PALD1: variants seen among roughly 807,000 people sequenced by gnomAD.
PALD1 encodes phosphatase domain containing paladin 1, also known as paladin.
Under a neutral mutation model 96.0 loss-of-function variants are expected in PALD1, and 57 were observed. The ratio of observed to expected loss-of-function variants is 0.59; its 90% CI spans 0.48 to 0.74. PALD1 has a LOEUF of 0.74. PALD1 is among the 30% of genes least tolerant of loss of function. PALD1 has a pLI of 0.00. For missense variants in PALD1, 1,063 were observed against 1,143.7 expected (o/e 0.93, Z 1.02); for synonymous variants, 464 against 473.6 (o/e 0.98, Z 0.26).
At chr10:70,493,066 T>A (rs1230484097) in intron 1 of PALD1, among the ~76,000 whole-genome samples, 2 of 151,748 alleles carry the variant, frequency 1.3e-5, no homozygotes, top group African/African-American at 4.9e-5. Context: ...ACAAATGGGC[T>A]CACTGGCTGC....
intron 17 of PALD1, among the ~76,000 whole-genome samples, chr10:70,542,974 T>C (rs1847282588): frequency 6.6e-6 from 1 of 152,036 alleles, no homozygotes; most frequent in Non-Finnish European, 1.5e-5. Flanking sequence ...GAGTTCACCG[T>C]GTTGGCCAGG....
At chr10:70,495,275 T>G (rs1846173193) in intron 1 of PALD1, among the ~76,000 whole-genome samples, 1 of 152,250 alleles carries the variant, frequency 6.6e-6, no homozygotes, top group African/African-American at 2.4e-5. Flanking sequence ...TCTCAGCCCC[T>G]GGTAGCCCAC....
At chr10:70,514,162 C>A (rs1336109871) in intron 1 of PALD1, among the ~76,000 whole-genome samples, 1 of 152,226 alleles carries the variant, frequency 6.6e-6, no homozygotes, top group East Asian at 1.9e-4. Flanking sequence ...CCACTTCCTG[C>A]TGCATGCCCA....
chr10:70,495,497 G>A (rs1311397740), intron 1 of PALD1, among the ~76,000 whole-genome samples: 1 of 152,098 alleles, frequency 6.6e-6, no homozygotes, highest in African/African-American at 2.4e-5. Flanking sequence ...TTGGAATTAC[G>A]TGTATTGGCT....
chr10:70,483,600 G>T (rs985791370), intron 1 of PALD1, among the ~76,000 whole-genome samples: 1 of 152,148 alleles, frequency 6.6e-6, no homozygotes, highest in Non-Finnish European at 1.5e-5. Context: ...GAGATGACCT[G>T]GGACCCTGCC....
chr10:70,529,764 C>T, intron 3 of PALD1, 125 bp from the exon 4 acceptor site: 3 of 729,512 alleles, frequency 4.1e-6, no homozygotes, highest in Middle Eastern at 3.4e-4. Flanking sequence ...AACTTGAGGG[C>T]AGGATCATGT....
At position 70,534,023 on chromosome 10, in the gene PALD1, C is replaced by T; in HGVS notation, c.972C>T (p.Val324=). Residue 324 remains valine (V), a synonymous_variant, in exon 8 of 20, where the codon GTC becomes GTT. Coordinates refer to ENST00000263563, the MANE Select transcript of PALD1 (RefSeq NM_014431.3). ...TGGGCAGGACCAACCTGGGCATGGTCCTGGGCACCCTCATCCTGCTTCACC... is the reference window on the plus strand; with the variant it reads ...TGGGCAGGACCAACCTGGGCATGGTTCTGGGCACCCTCATCCTGCTTCACC... ...MGVGRTNLGM[V]LGTLILLHRS... is the part of the protein sequence containing the mutation. 2 of 1,612,690 alleles carry T rather than the reference C, an allele frequency of 1.2e-6. No homozygotes were observed. Among genetic ancestry groups the T allele is most frequent in the Non-Finnish European group, 8.5e-7 (1 of 1,179,326 alleles).
intron 12 of PALD1, 73 bp from the exon 13 acceptor site, chr10:70,538,819 T>C: frequency 4.6e-6 from 6 of 1,300,860 alleles, no homozygotes; most frequent in South Asian, 1.2e-5. Context: ...CCGTCTGCCT[T>C]GGGCCAGGTC....
chr10:70,554,940 CCCT>C (rs1847568139), intron 18 of PALD1, among the ~76,000 whole-genome samples: 1 of 2,308 alleles, frequency 4.3e-4, no homozygotes, highest in African/African-American at 1.6e-3. Flanking sequence ...CCTCCCCCTC[CCCT>C]CCCCCTCCTC....
intron 1 of PALD1, among the ~76,000 whole-genome samples, chr10:70,486,558 C>G (rs1292872733): frequency 3.9e-5 from 6 of 152,078 alleles, no homozygotes; most frequent in Non-Finnish European, 8.8e-5. Context: ...GTCAGGAGTT[C>G]AAGACCAGCC....
At position 70,538,853 on chromosome 10, in the gene PALD1, CGGCTGCTGTGGGTCCCAGGCTT is replaced by C; in HGVS notation, c.1453-36_1453-15del. ...TCCTGACCCTTTCTGCGGCTACAGT[CGGCTGCTGTGGGTCCCAGGCTT>C]GGTGCTCTCCCCACAGCGGGAGGAC... On this transcript the variant is annotated splice_polypyrimidine_tract_variant and intron_variant, in intron 12 of 19. Coordinates refer to ENST00000263563, the MANE Select transcript of PALD1 (RefSeq NM_014431.3). 1 of 1,552,010 alleles carries C rather than the reference CGGCTGCTGTGGGTCCCAGGCTT, an allele frequency of 6.4e-7. No homozygotes were observed. Among genetic ancestry groups the C allele is most frequent in the Admixed American group, 1.7e-5 (1 of 59,928 alleles).
At chr10:70,522,927 C>T (rs1388714098) in intron 1 of PALD1, among the ~76,000 whole-genome samples, 1 of 152,178 alleles carries the variant, frequency 6.6e-6, no homozygotes, top group Non-Finnish European at 1.5e-5. Context: ...GGTCCAAGGC[C>T]CTTCAGTGTG....
chr10:70,463,489 G>A, the PALD1 span, among the ~76,000 whole-genome samples: 11 of 152,004 alleles, frequency 7.2e-5, no homozygotes, highest in South Asian at 1.2e-3. Flanking sequence ...GGAGCGTAAA[G>A]TCTCCAGACA....
the PALD1 span, among the ~76,000 whole-genome samples, chr10:70,464,871 A>G: frequency 6.6e-6 from 1 of 151,388 alleles, no homozygotes; most frequent in East Asian, 1.9e-4. Context: ...CAGGAGATCC[A>G]CCCATTTTGG....
At position 70,478,837 on chromosome 10, in the gene PALD1, G is replaced by A. The variant is rs1025127841; in HGVS notation, c.-252G>A. 2.0e-5 allele frequency: 3 copies of A among 151,770 alleles called. No individual in the cohort carries two copies. Among genetic ancestry groups the A allele is most frequent in the Non-Finnish European group, 4.4e-5 (3 of 67,928 alleles). 9.4% of individuals were successfully genotyped at this position (151,770 alleles called of 1,614,324 possible). ...CCGGGGCGCGCAGGTCCCGTCGCCG[G>A]TGAGCACGGGCTCCCTCTCGCGTGG... is the stretch of plus-strand genomic sequence containing the variant. On this transcript the variant is annotated 5_prime_UTR_variant, in exon 1 of 20. The change creates a new upstream start codon in the 5' untranslated region. Transcript: ENST00000263563.
chr10:70,554,132 T>G (rs1847541723), intron 18 of PALD1, among the ~76,000 whole-genome samples: 1 of 152,184 alleles, frequency 6.6e-6, no homozygotes, highest in African/African-American at 2.4e-5. Context: ...TGGGGCATTT[T>G]AAGAACTGCC....
In PALD1 at chr10:70,537,811, G is replaced by A. The variant is rs1198118690; in HGVS notation, c.1228G>A (p.Gly410Arg). The change falls in exon 11 of 20, where the codon GGA becomes AGA. Residue 410 changes from glycine (G) to arginine (R), a missense_variant and splice_region_variant. Physicochemically the swap from Gly to Arg is moderately radical, Grantham distance 125. Coordinates refer to ENST00000263563, the MANE Select transcript of PALD1 (RefSeq NM_014431.3). ...EGIRPESPAQ[G>R]SGSRHSVWQR... ...CTTAACACCCTGTCCTCTCTCTCAG[G>A]GAAGCGGCAGCCGACACAGCGTCTG... 1 of 1,610,496 alleles carries A rather than the reference G, an allele frequency of 6.2e-7. No individual in the cohort carries two copies. Among genetic ancestry groups the A allele is most frequent in the Non-Finnish European group, 8.5e-7 (1 of 1,177,070 alleles).
At chr10:70,503,645 A>T (rs1475501184) in intron 1 of PALD1, among the ~76,000 whole-genome samples, 2 of 152,226 alleles carry the variant, frequency 1.3e-5, no homozygotes, top group African/African-American at 4.8e-5. Flanking sequence ...GAAGAAAAAA[A>T]AGAGAATGAC....
intron 1 of PALD1, among the ~76,000 whole-genome samples, chr10:70,520,538 G>T (rs1279097163): frequency 6.6e-6 from 1 of 152,204 alleles, no homozygotes; most frequent in Non-Finnish European, 1.5e-5. Flanking sequence ...CACTCTGGCA[G>T]GTTGGGTGAG....
Sources: allele counts gnomAD v4.1 joint callset (sites outside exome capture counted in the v4.1 genomes callset), GRCh38; gene constraint gnomAD v4.1.1; transcripts MANE v1.5; gene names NCBI Gene and HGNC (gene_info 2026-07-23, HGNC 2026-07-21).